The following IMMP2L variants were observed in gnomAD, a reference collection of about 807,000 sequenced individuals.
IMMP2L encodes the protein mitochondrial inner membrane protease subunit 2.
In IMMP2L, 18 loss-of-function variants were observed where a neutral mutation model predicts 19.3. The ratio of observed to expected loss-of-function variants is 0.93; its 90% CI spans 0.64 to 1.38. IMMP2L has a LOEUF of 1.38. Among genes scored for constraint, IMMP2L ranks in the 40% most tolerant of loss-of-function variants. IMMP2L has a pLI of 0.00. For missense variants in IMMP2L, 233 were observed against 218.2 expected (o/e 1.07, Z -0.43); for synonymous variants, 76 against 73.0 (o/e 1.04, Z -0.21).
chr7:111,166,695 C>A (rs1298534085), intron 3 of IMMP2L, among the ~76,000 whole-genome samples: 1 of 151,970 alleles, frequency 6.6e-6, no homozygotes, highest in East Asian at 1.9e-4. Context: ...AAGGTGTCAT[C>A]GGGCTACATT....
chr7:111,286,900 A>G (rs1372743232), intron 3 of IMMP2L, among the ~76,000 whole-genome samples: 1 of 152,164 alleles, frequency 6.6e-6, no homozygotes, highest in Non-Finnish European at 1.5e-5. Flanking sequence ...CAAGGCAGGC[A>G]TTCCCAATCA....
intron 4 of IMMP2L, among the ~76,000 whole-genome samples, chr7:110,926,544 AT>A (rs1814877276): frequency 6.6e-6 from 1 of 152,084 alleles, no homozygotes; most frequent in African/African-American, 2.4e-5. Context: ...GTCTTTTTAA[AT>A]TTTTTATTAC....
intron 3 of IMMP2L, among the ~76,000 whole-genome samples, chr7:111,275,104 C>T (rs952721270): frequency 4.6e-5 from 7 of 152,106 alleles, no homozygotes; most frequent in Admixed American, 1.3e-4. Context: ...GAGAAAAATG[C>T]AATTGCACTG....
chr7:111,072,720 C>T (rs1350473971), intron 3 of IMMP2L, among the ~76,000 whole-genome samples: 2 of 151,994 alleles, frequency 1.3e-5, no homozygotes, highest in African/African-American at 4.8e-5. Flanking sequence ...ACAGTGAAAT[C>T]CCATCTCTAC....
chr7:111,461,389 G>A (rs1405676077), intron 3 of IMMP2L, among the ~76,000 whole-genome samples: 1 of 151,802 alleles, frequency 6.6e-6, no homozygotes, highest in Non-Finnish European at 1.5e-5. Context: ...AAATCATCCT[G>A]AAATACACAC....
intron 4 of IMMP2L, among the ~76,000 whole-genome samples, chr7:110,952,038 T>C (rs1296609786): frequency 6.6e-6 from 1 of 152,130 alleles, no homozygotes; most frequent in Non-Finnish European, 1.5e-5. Flanking sequence ...GAAGCTCAGC[T>C]AAAAACAGTG....
intron 3 of IMMP2L, among the ~76,000 whole-genome samples, chr7:111,312,428 T>C (rs1823618314): frequency 1.3e-5 from 2 of 152,176 alleles, no homozygotes; most frequent in Admixed American, 6.5e-5. Context: ...TTGGTTCTTA[T>C]TTTCAGCTGC....
intron 5 of IMMP2L, among the ~76,000 whole-genome samples, chr7:110,669,861 T>C (rs1335452296): frequency 6.6e-6 from 1 of 152,108 alleles, no homozygotes; most frequent in Non-Finnish European, 1.5e-5. Flanking sequence ...TAAGTCAGGA[T>C]AATAAAAATA....
intron 5 of IMMP2L, among the ~76,000 whole-genome samples, chr7:110,785,645 A>G (rs1800022279): frequency 6.6e-6 from 1 of 151,940 alleles, no homozygotes; most frequent in African/African-American, 2.4e-5. Context: ...TCTTTTCAGG[A>G]TACCGCCTTG....
At chr7:110,810,272 G>C (rs1305180662) in intron 5 of IMMP2L, among the ~76,000 whole-genome samples, 2 of 151,986 alleles carry the variant, frequency 1.3e-5, no homozygotes, top group Non-Finnish European at 2.9e-5. Context: ...TATGGCTGCT[G>C]ATACCATTTC....
At chr7:111,417,851 A>C (rs1835101317) in intron 3 of IMMP2L, among the ~76,000 whole-genome samples, 2 of 151,910 alleles carry the variant, frequency 1.3e-5, no homozygotes, top group African/African-American at 4.9e-5. Flanking sequence ...ACTCACAATG[A>C]AATAGAACTT....
intron 3 of IMMP2L, among the ~76,000 whole-genome samples, chr7:111,281,218 A>AAAG (rs1563005242): frequency 9.7e-6 from 1 of 103,078 alleles, no homozygotes; most frequent in African/African-American, 4.2e-5. Flanking sequence ...AAGAAAGAAA[A>AAAG]AGAAAGAAAG....
intron 4 of IMMP2L, among the ~76,000 whole-genome samples, chr7:110,937,028 G>A (rs1293033831): frequency 6.6e-6 from 1 of 152,070 alleles, no homozygotes; most frequent in Non-Finnish European, 1.5e-5. Context: ...AAACGGAGGG[G>A]AACATCACAC....
intron 5 of IMMP2L, among the ~76,000 whole-genome samples, chr7:110,737,403 C>A (rs1354710739): frequency 6.6e-6 from 1 of 152,158 alleles, no homozygotes; most frequent in Non-Finnish European, 1.5e-5. Flanking sequence ...CCTGTGACTG[C>A]TGGCTTTCCT....
At chr7:110,962,189 A>G (rs1256226002) in intron 4 of IMMP2L, 3 of 151,976 alleles carry the variant, frequency 2.0e-5, no homozygotes, top group Non-Finnish European at 4.4e-5. Context: ...ATAAGTTCTC[A>G]CATTATTTGG....
At chr7:111,377,039 T>C (rs892950362) in intron 3 of IMMP2L, among the ~76,000 whole-genome samples, 6 of 151,990 alleles carry the variant, frequency 3.9e-5, no homozygotes, top group African/African-American at 7.2e-5. Flanking sequence ...GGGTGAATCA[T>C]ATGGTATATG....
intron 2 of IMMP2L, among the ~76,000 whole-genome samples, chr7:111,498,445 T>G (rs565948853): frequency 2.6e-5 from 4 of 152,144 alleles, no homozygotes; most frequent in African/African-American, 9.6e-5. Flanking sequence ...ATCTTTAACT[T>G]CCTCATAAAA....
intron 4 of IMMP2L, among the ~76,000 whole-genome samples, chr7:110,937,446 T>C (rs1741796873): frequency 2.0e-5 from 3 of 152,100 alleles, no homozygotes; most frequent in African/African-American, 7.2e-5. Context: ...TCAAAGAGCT[T>C]ATGTATCTGA....
intron 3 of IMMP2L, among the ~76,000 whole-genome samples, chr7:111,296,054 A>G (rs1451676509): frequency 1.3e-5 from 2 of 151,366 alleles, no homozygotes; most frequent in Non-Finnish European, 3.0e-5. Flanking sequence ...AAAAATGAAA[A>G]GCTTCTACTC....
Sources: gnomAD v4.1 joint callset for allele counts (sites outside exome capture counted in the v4.1 genomes callset) on GRCh38, gnomAD v4.1.1 for gene constraint, MANE v1.5 for transcripts, NCBI Gene and HGNC (gene_info 2026-07-23, HGNC 2026-07-21) for gene names.